DNAH1: variants seen among roughly 807,000 people sequenced by gnomAD.
DNAH1 encodes the protein dynein axonemal heavy chain 1, also known as axonemal beta dynein heavy chain 1.
A neutral mutation model predicts 484.3 loss-of-function variants in DNAH1; 327 were observed. That is an observed-to-expected ratio of 0.68 (90% CI 0.62 to 0.74). The LOEUF is 0.74. Among genes scored for constraint, DNAH1 ranks in the 30% least tolerant of loss-of-function variants. The pLI is 0.00. For missense variants in DNAH1, 5,052 were observed against 5,546.8 expected (o/e 0.91, Z 2.83); for synonymous variants, 2,192 against 2,191.9 (o/e 1.00, Z 0.00).
At chr3:52,328,519 C>T (rs1701433566) in intron 6 of DNAH1, among the ~76,000 whole-genome samples, 1 of 152,238 alleles carries the variant, frequency 6.6e-6, no homozygotes, top group Non-Finnish European at 1.5e-5. Flanking sequence ...CACATTTTCA[C>T]CACACAGAAA....
Position 52,358,821 on chromosome 3 carries a change from G to A in DNAH1, c.4266+84G>A, listed in dbSNP as rs529533621. The A allele has an allele frequency of 1.2e-4, 181 of 1,533,774 alleles. No homozygotes were observed. The Middle Eastern group carries it at 1.3e-3, about 11-fold the overall frequency. On this transcript the variant is annotated intron_variant, in intron 25 of 77. Transcript: ENST00000420323. This position sits in a 1 kb window ranked among gnomAD's most constrained non-coding sequence, Gnocchi z 4.2. Reference sequence around the variant, plus strand: ...TGCCCCTCCTGCTCTAGCCGGCCTCGTCCTCAGGCTGCAGCCCTGAGGTCC... The same window carrying A: ...TGCCCCTCCTGCTCTAGCCGGCCTCATCCTCAGGCTGCAGCCCTGAGGTCC...
rs2153223963 is a variant in DNAH1, at chr3:52,350,494, A to G, written c.2647-14A>G. 1 of 1,613,156 alleles carries G rather than the reference A, an allele frequency of 6.2e-7. No homozygotes were observed. Among genetic ancestry groups the G allele is most frequent in the African/African-American group, 1.3e-5 (1 of 74,970 alleles). ...TGGCACACGTGAAGTTCTCATTACC[A>G]CCTGTCTGTGCAGGAGCGGATTGTG... On this transcript the variant is annotated splice_polypyrimidine_tract_variant and intron_variant, in intron 15 of 77. Coordinates refer to ENST00000420323, the MANE Select transcript of DNAH1 (RefSeq NM_015512.5).
rs755414929 is a variant in DNAH1 at position 52,364,744 on chromosome 3, G to C, written c.5331+20G>C. ...AATGAGGTGAGCTCCACCCAGCAGG[G>C]CTCCAGGAGTGGAACTCTGGGAGGG... On this transcript the variant is annotated intron_variant, in intron 33 of 77. Transcript: ENST00000420323. The surrounding 1 kb of genome is among the most constrained non-coding windows in gnomAD (Gnocchi z 4.2). The C allele has an allele frequency of 6.2e-7, 1 of 1,610,080 alleles. No individual in the cohort carries two copies. The highest frequency in any genetic ancestry group is 1.7e-5 in the Admixed American group (1 of 59,824).
chr3:52,387,321 C>A (rs1244095990), intron 56 of DNAH1, among the ~76,000 whole-genome samples: 2 of 152,184 alleles, frequency 1.3e-5, no homozygotes, highest in African/African-American at 4.8e-5. Flanking sequence ...CTGGGTTTCT[C>A]TGTCCATCTG....
rs546875559 is a variant in DNAH1, at chr3:52,358,426, T to C, written c.4087-132T>C. The C allele has an allele frequency of 1.6e-5, 16 of 1,029,080 alleles. No homozygotes were observed. The South Asian group carries it at 2.5e-4, about 16-fold the overall frequency. The allele number at this position is 1,029,080 out of a possible 1,614,324, so 63.7% of individuals were successfully genotyped here. A position where few individuals can be genotyped will look rare whatever the true frequency, so the allele number is the denominator to read the frequency against. On this transcript the variant is annotated intron_variant, in intron 24 of 77. Transcript: ENST00000420323. This position sits in a 1 kb window ranked among gnomAD's most constrained non-coding sequence, Gnocchi z 4.2. ...GGGAAGGCCCAGCCAAGATAGACTCTCGGGGGGACGGGAAGGCAGGGCTTT... is the reference window on the plus strand; with the variant it reads ...GGGAAGGCCCAGCCAAGATAGACTCCCGGGGGGACGGGAAGGCAGGGCTTT...
Position 52,386,307 on chromosome 3 carries a change from G to T in DNAH1, c.8773G>T (p.Ala2925Ser). 6.3e-7 allele frequency: 1 copy of T among 1,596,338 alleles called. No homozygotes were observed. Residue 2925 changes from alanine (A) to serine (S), a missense_variant, in exon 55 of 78, where the codon GCC (alanine) becomes TCC (serine). By Grantham distance (99) the Ala-to-Ser change is moderately conservative (BLOSUM62 1). This residue lies in a region of DNAH1 where 2,929 missense variants were observed against 3,409.4 expected (regional missense o/e 0.86). Transcript: ENST00000420323. ...GTTGCCAGCCCTGGATGCGGCTCTGGCCAGCCTGCGCAACCTCAACAAGAA... is the reference window on the plus strand; with the variant it reads ...GTTGCCAGCCCTGGATGCGGCTCTGTCCAGCCTGCGCAACCTCAACAAGAA... ...EALPALDAAL[A>S]SLRNLNKNDV...
rs750305711 is a variant in DNAH1, at chr3:52,381,740, G to A, written c.7709G>A (p.Arg2570His). ...LFMDAMSHICRISRTLRQALG... is the reference protein window; with the variant it reads ...LFMDAMSHICHISRTLRQALG... ...ATGGACGCCATGAGCCACATCTGTC[G>A]CATCAGCCGCACCCTACGCCAGGCG... The change falls in exon 49 of 78, where the codon CGC becomes CAC. Residue 2570 changes from arginine to histidine, a missense_variant. Coordinates refer to ENST00000420323, the MANE Select transcript of DNAH1 (RefSeq NM_015512.5). This position sits in a 1 kb window ranked among gnomAD's most constrained non-coding sequence, Gnocchi z 4.1. 7 of 1,604,774 alleles carry A rather than the reference G, an allele frequency of 4.4e-6. No individual in the cohort carries two copies. Among genetic ancestry groups the A allele is most frequent in the East Asian group, 2.2e-5 (1 of 44,504 alleles).
intron 21 of DNAH1, among the ~76,000 whole-genome samples, chr3:52,356,206 C>T (rs1247990812): frequency 6.6e-6 from 1 of 152,242 alleles, no homozygotes; most frequent in Non-Finnish European, 1.5e-5. Flanking sequence ...CTCTCACACT[C>T]AAGACCCATT....
rs767863684 is a variant in DNAH1, at chr3:52,368,734, G to A, written c.5766-7G>A. The A allele has an allele frequency of 2.1e-5, 34 of 1,608,966 alleles. No individual in the cohort carries two copies. The East Asian group carries it at 3.3e-4, about 16-fold the overall frequency. ...TGTTTCCAGCCCTCTCCTCCCTGGCGCTGCAGGACAGACGGGATATTCTCC... is the reference window on the plus strand; with the variant it reads ...TGTTTCCAGCCCTCTCCTCCCTGGCACTGCAGGACAGACGGGATATTCTCC... On this transcript the variant is annotated splice_region_variant and splice_polypyrimidine_tract_variant and intron_variant, in intron 36 of 77. Transcript: ENST00000420323. This position sits in a 1 kb window ranked among gnomAD's most constrained non-coding sequence, Gnocchi z 4.4.
At chr3:52,374,718 C>G in intron 44 of DNAH1, 1 of 1,344,398 alleles carries the variant, frequency 7.4e-7, no homozygotes, top group East Asian at 2.3e-5. Flanking sequence ...CAAGATAATA[C>G]ATGGCTTGAT....
rs545437483 is a variant in DNAH1 at position 52,384,987 on chromosome 3, G to C, written c.8514+10G>C. On this transcript the variant is annotated intron_variant, in intron 53 of 77. Coordinates refer to ENST00000420323, the MANE Select transcript of DNAH1 (RefSeq NM_015512.5). Reference sequence around the variant, plus strand: ...GAGCGGCCTCGACAAGGTGGGCCCAGGCGAGTCCCCGTGGACAAGGTCAGC... The same window carrying C: ...GAGCGGCCTCGACAAGGTGGGCCCACGCGAGTCCCCGTGGACAAGGTCAGC... 6 of 1,609,222 alleles carry C rather than the reference G, an allele frequency of 3.7e-6. No individual in the cohort carries two copies. In the African/African-American group the frequency reaches 8.0e-5, roughly 21 times the overall value.
intron 73 of DNAH1, among the ~76,000 whole-genome samples, chr3:52,397,323 G>A (rs1704680672): frequency 6.6e-6 from 1 of 152,156 alleles, no homozygotes; most frequent in Non-Finnish European, 1.5e-5. Context: ...GCAGTAACCA[G>A]GCCCAGACTC....
Position 52,384,845 on chromosome 3 carries a change from A to G in DNAH1, c.8382A>G (p.Ala2794=), listed in dbSNP as rs1033369027. The change falls in exon 53 of 78, where the codon GCA becomes GCG. Residue 2794 remains alanine, a synonymous_variant. Coordinates refer to ENST00000420323, the MANE Select transcript of DNAH1 (RefSeq NM_015512.5). Reference sequence around the variant, plus strand: ...CCAAGAAGTGCATCGAGTACCTGGCAGAGCTGACCCGCCACAACTATGTGA... The same window carrying G: ...CCAAGAAGTGCATCGAGTACCTGGCGGAGCTGACCCGCCACAACTATGTGA... ...SVSKKCIEYL[A]ELTRHNYVTP... is the part of the protein sequence containing the mutation. 2.2e-5 allele frequency: 36 copies of G among 1,603,618 alleles called. No homozygotes were observed. The highest frequency in any genetic ancestry group is 3.1e-5 in the Non-Finnish European group (36 of 1,175,054).
At chr3:52,397,563 C>T in intron 73 of DNAH1, 144 bp from the exon 74 acceptor site, 1 of 775,742 alleles carries the variant, frequency 1.3e-6, no homozygotes, top group Non-Finnish European at 2.0e-6. Flanking sequence ...CCTGGAGTCC[C>T]AAGAGCAGGG....
rs368568444 is a variant in DNAH1, at chr3:52,391,230, C to T, written c.9793C>T (p.Arg3265Cys). Residue 3265 changes from arginine (R) to cysteine (C), a missense_variant, in exon 62 of 78, where the codon CGC (arginine) becomes TGC (cysteine). This residue lies in a region of DNAH1 where 2,929 missense variants were observed against 3,409.4 expected (regional missense o/e 0.86). Coordinates refer to ENST00000420323, the MANE Select transcript of DNAH1 (RefSeq NM_015512.5). ...VFKLSDRDFL[R>C]SMENAIRFGK... The stretch of plus-strand genomic sequence containing the variant: ...CAAGTTGAGTGACCGCGACTTCCTG[C>T]GCAGCATGGAGAACGCCATCCGCTT... 3.0e-5 allele frequency: 48 copies of T among 1,613,764 alleles called. No individual in the cohort carries two copies. The highest frequency in any genetic ancestry group is 3.6e-5 in the Non-Finnish European group (42 of 1,179,858).
At chr3:52,317,037 T>A (rs189642650) in intron 1 of DNAH1, among the ~76,000 whole-genome samples, 1 of 152,362 alleles carries the variant, frequency 6.6e-6, no homozygotes, top group African/African-American at 2.4e-5. Flanking sequence ...ATTGTTATAT[T>A]GCAGCACTTT....
At position 52,395,781 on chromosome 3, in the gene DNAH1, C is replaced by A; in HGVS notation, c.11259+103C>A. ...AATCATGCCAAGCACTCTGCCCAGC[C>A]TCTAGCACGTGGCAAGTGCTCAGCA... On this transcript the variant is annotated intron_variant, in intron 70 of 77. Transcript: ENST00000420323. The surrounding 1 kb of genome is among the most constrained non-coding windows in gnomAD (Gnocchi z 4.4). 6.7e-7 allele frequency: 1 copy of A among 1,490,592 alleles called. No individual in the cohort carries two copies. Among genetic ancestry groups the A allele is most frequent in the Non-Finnish European group, 9.1e-7 (1 of 1,104,644 alleles). The allele number at this position is 1,490,592 out of a possible 1,614,324, so 92.3% of individuals were successfully genotyped here.
At chr3:52,351,130 G>T (rs573460885) in intron 16 of DNAH1, among the ~76,000 whole-genome samples, 1 of 152,198 alleles carries the variant, frequency 6.6e-6, no homozygotes, top group Non-Finnish European at 1.5e-5. Flanking sequence ...GATTATAGGC[G>T]TGAGCCACCG....
chr3:52,396,655 T>C lies in DNAH1; in HGVS notation c.11468T>C (p.Leu3823Ser). 1 of 1,613,694 alleles carries C rather than the reference T, an allele frequency of 6.2e-7. No homozygotes were observed. The highest frequency in any genetic ancestry group is 8.5e-7 in the Non-Finnish European group (1 of 1,179,820). The change falls in exon 72 of 78, where the codon TTG becomes TCG. Residue 3823 changes from leucine to serine, a missense_variant. This residue lies in a region of DNAH1 where 853 missense variants were observed against 899.0 expected (regional missense o/e 0.95). Transcript: ENST00000420323. Reference protein sequence around the residue: ...EFKSLLLSLCLFHGNALERRK... With the variant: ...EFKSLLLSLCSFHGNALERRK... Reference sequence around the variant, plus strand: ...AAGTCTCTGCTGCTGTCTCTGTGCTTGTTCCATGGGAACGCCCTGGAGCGC... The same window carrying C: ...AAGTCTCTGCTGCTGTCTCTGTGCTCGTTCCATGGGAACGCCCTGGAGCGC...
Sources: allele counts gnomAD v4.1 joint callset (sites outside exome capture counted in the v4.1 genomes callset), GRCh38; gene constraint gnomAD v4.1.1; regional missense constraint gnomAD v4.1.1; non-coding constraint Gnocchi (gnomAD v3.1); transcripts MANE v1.5; gene names NCBI Gene and HGNC (gene_info 2026-07-23, HGNC 2026-07-21).